RGMA: variants seen among roughly 807,000 people sequenced by gnomAD.
RGMA encodes repulsive guidance molecule A.
In RGMA, 10 loss-of-function variants were observed where a neutral mutation model predicts 23.2. The observed-to-expected ratio is 0.43, with a 90% CI of 0.27 to 0.73. The LOEUF is 0.73. RGMA is among the 30% of genes least tolerant of loss of function. The pLI is 0.20. For missense variants in RGMA, 547 were observed against 630.5 expected (o/e 0.87, Z 1.42); for synonymous variants, 308 against 279.3 (o/e 1.10, Z -1.03).
In RGMA at chr15:93,037,662, A is replaced by G. The variant is rs932459000; in HGVS notation, c.*7336T>C. The G allele has an allele frequency of 5.3e-5, 8 of 152,194 alleles. No homozygotes were observed. Among genetic ancestry groups the G allele is most frequent in the African/African-American group, 1.9e-4 (8 of 41,438 alleles). The allele number at this position is 152,194 out of a possible 1,614,324, so 9.4% of individuals were successfully genotyped here. A position where few individuals can be genotyped will look rare whatever the true frequency, so the allele number is the denominator to read the frequency against. On this transcript the variant is annotated 3_prime_UTR_variant, in exon 4 of 4. Transcript: ENST00000329082. This position sits in a 1 kb window ranked among gnomAD's most constrained non-coding sequence, Gnocchi z 4.3. ...GGAGCTCAGAGTGAGCTCAAAACCA[A>G]TTCCCCAGACAGTGTCTGAACACGT...
chr15:93,073,104 C>T (rs1895390988), intron 1 of RGMA, 73 bp from the exon 2 acceptor site: 18 of 1,393,596 alleles, frequency 1.3e-5, no homozygotes, highest in South Asian at 6.6e-5. Flanking sequence ...GCTCCGCCGG[C>T]GGGAGCAGCG....
intron 1 of RGMA, among the ~76,000 whole-genome samples, chr15:93,077,793 C>A (rs762310022): frequency 2.0e-5 from 3 of 152,200 alleles, no homozygotes; most frequent in Non-Finnish European, 4.4e-5. Context: ...CTGCAACCTC[C>A]GCCTCCTGGG....
intron 3 of RGMA, among the ~76,000 whole-genome samples, chr15:93,048,157 G>A (rs895597581): frequency 1.3e-5 from 2 of 152,168 alleles, no homozygotes; most frequent in African/African-American, 4.8e-5. Context: ...GCCACTAGAG[G>A]TGCCCCTGGC....
In RGMA at chr15:93,043,551, A is replaced by G. The variant is rs1270577174; in HGVS notation, c.*1447T>C. 1 of 152,566 alleles carries G rather than the reference A, an allele frequency of 6.6e-6. No homozygotes were observed. 9.5% of individuals were successfully genotyped at this position (152,566 alleles called of 1,614,324 possible). A position where few individuals can be genotyped will look rare whatever the true frequency, so the allele number is the denominator to read the frequency against. ...CCCCACTTCCAAGCAGAACGTGAGCAAACACAACCAAAATAAAGTGCTTCA... is the reference window on the plus strand; with the variant it reads ...CCCCACTTCCAAGCAGAACGTGAGCGAACACAACCAAAATAAAGTGCTTCA... On this transcript the variant is annotated 3_prime_UTR_variant, in exon 4 of 4. Coordinates refer to ENST00000329082, the MANE Select transcript of RGMA (RefSeq NM_020211.3).
At chr15:93,077,501 T>A (rs1288172151) in intron 1 of RGMA, among the ~76,000 whole-genome samples, 1 of 152,194 alleles carries the variant, frequency 6.6e-6, no homozygotes, top group Non-Finnish European at 1.5e-5. Context: ...GGGATTAAAG[T>A]CAAGCCAAGA....
intron 2 of RGMA, among the ~76,000 whole-genome samples, chr15:93,055,962 T>C (rs1219688810): frequency 1.3e-5 from 2 of 152,106 alleles, no homozygotes; most frequent in Non-Finnish European, 2.9e-5. Context: ...ATGACAGAAA[T>C]CCCACCCAGG....
intron 2 of RGMA, among the ~76,000 whole-genome samples, chr15:93,072,610 G>A (rs957996680): frequency 2.0e-5 from 3 of 152,138 alleles, no homozygotes; most frequent in African/African-American, 7.2e-5. Context: ...GAGCCCCTAG[G>A]AGGCACGTTC....
chr15:93,080,765 C>T (rs1371940466), intron 1 of RGMA, among the ~76,000 whole-genome samples: 2 of 151,944 alleles, frequency 1.3e-5, no homozygotes, highest in African/African-American at 4.9e-5. Context: ...TTCTTTCACA[C>T]CTGTCCTTCT....
chr15:93,051,799 G>A (rs1005360337), intron 3 of RGMA, among the ~76,000 whole-genome samples, 194 bp downstream of exon 3: 9 of 152,190 alleles, frequency 5.9e-5, no homozygotes, highest in African/African-American at 2.2e-4. Flanking sequence ...CTGCCAGGCC[G>A]GGCTGGCTCG....
chr15:93,052,671 G>A (rs1195263222), intron 2 of RGMA, among the ~76,000 whole-genome samples, 164 bp from the exon 3 acceptor site: 1 of 152,182 alleles, frequency 6.6e-6, no homozygotes, highest in Non-Finnish European at 1.5e-5. Flanking sequence ...GTAGGAAAGG[G>A]GTCCTTCTAC....
In RGMA at chr15:93,036,730, C is replaced by T. The variant is rs559894205; in HGVS notation, c.*8268G>A. 1 of 152,302 alleles carries T rather than the reference C, an allele frequency of 6.6e-6. No homozygotes were observed. The highest frequency in any genetic ancestry group is 2.4e-5 in the African/African-American group (1 of 41,442). The allele number at this position is 152,302 out of a possible 1,614,324, so 9.4% of individuals were successfully genotyped here. A position where few individuals can be genotyped will look rare whatever the true frequency, so the allele number is the denominator to read the frequency against. On this transcript the variant is annotated 3_prime_UTR_variant, in exon 4 of 4. Transcript: ENST00000329082. ...GCCTGTGCCCCCTGGAGCGCCCCGC[C>T]CCAGCTCGTTCTCTGCCCTCAAGCG...
chr15:93,053,566 G>A (rs1282508350), intron 2 of RGMA, among the ~76,000 whole-genome samples: 2 of 152,230 alleles, frequency 1.3e-5, no homozygotes, highest in Admixed American at 1.3e-4. Flanking sequence ...TCTGGTGCTG[G>A]TTTTACCTAT....
chr15:93,073,914 T>C, intron 1 of RGMA: 1 of 1,440,718 alleles, frequency 6.9e-7, no homozygotes, highest in Non-Finnish European at 9.1e-7. Flanking sequence ...CCGGTCCGCG[T>C]GGCGCGCAGG....
At position 93,038,650 on chromosome 15, in the gene RGMA, C is replaced by G. The variant is rs2054688195; in HGVS notation, c.*6348G>C. ...AGTGCAGTGGTGCGATCTCTGCTTGCTGCAAGTTCTGCCTCCCGGGTTCAC... is the reference window on the plus strand; with the variant it reads ...AGTGCAGTGGTGCGATCTCTGCTTGGTGCAAGTTCTGCCTCCCGGGTTCAC... On this transcript the variant is annotated 3_prime_UTR_variant, in exon 4 of 4. Coordinates refer to ENST00000329082, the MANE Select transcript of RGMA (RefSeq NM_020211.3). The G allele has an allele frequency of 1.4e-5, 2 of 147,466 alleles. No homozygotes were observed. The highest frequency in any genetic ancestry group is 5.0e-5 in the African/African-American group (2 of 39,910). 9.1% of individuals were successfully genotyped at this position (147,466 alleles called of 1,614,324 possible).
chr15:93,075,015 G>A (rs1196248484), intron 1 of RGMA, among the ~76,000 whole-genome samples: 2 of 152,102 alleles, frequency 1.3e-5, no homozygotes, highest in Non-Finnish European at 2.9e-5. Context: ...ATCCAGAGGA[G>A]GCCATGCAGC....
chr15:93,073,057 A>G (rs75748081), intron 1 of RGMA, 26 bp from the exon 2 acceptor site: 3 of 1,141,698 alleles, frequency 2.6e-6, no homozygotes, highest in Non-Finnish European at 3.4e-6. Flanking sequence ...AGAAAAAAAG[A>G]AGAAAATAAA....
chr15:93,047,110 G>GGGTTT (rs1442668882), intron 3 of RGMA, among the ~76,000 whole-genome samples: 6 of 152,210 alleles, frequency 3.9e-5, no homozygotes, highest in Non-Finnish European at 5.9e-5. Flanking sequence ...ATTAGACTCT[G>GGGTTT]CGTTTCCAGA....
chr15:93,045,054 G>C lies in RGMA; in HGVS notation c.1297C>G (p.Arg433Gly). The C allele has an allele frequency of 2.5e-6, 4 of 1,572,604 alleles. No homozygotes were observed. The highest frequency in any genetic ancestry group is 3.5e-6 in the Non-Finnish European group (4 of 1,158,294). Reference protein sequence around the residue: ...RAAAGLPLAPRPLLGALVPLL... With the variant: ...RAAAGLPLAPGPLLGALVPLL... ...GGGACGAGGGCGCCCAGGAGGGGCCGGGGGGCCAGGGGCAGCCCCGCAGCC... is the reference window on the plus strand; with the variant it reads ...GGGACGAGGGCGCCCAGGAGGGGCCCGGGGGCCAGGGGCAGCCCCGCAGCC... Residue 433 changes from arginine (R) to glycine (G), a missense_variant, in exon 4 of 4, where the codon CGG becomes GGG. Arg to Gly is a moderately radical substitution (Grantham distance 125, BLOSUM62 -2). Around this residue, in one of 3 missense-constraint regions of RGMA, gnomAD observed 205 missense variants for 204.1 expected, o/e 1.00. Transcript: ENST00000329082. The surrounding 1 kb of genome is among the most constrained non-coding windows in gnomAD (Gnocchi z 6.9).
Position 93,089,132 on chromosome 15 carries a change from G to C in RGMA, c.-200C>G. 1 of 337,622 alleles carries C rather than the reference G, an allele frequency of 3.0e-6. No homozygotes were observed. The highest frequency in any genetic ancestry group is 5.3e-6 in the Non-Finnish European group (1 of 187,826). 20.9% of individuals were successfully genotyped at this position (337,622 alleles called of 1,614,324 possible). ...TGCCTGCGAGCGCCTGGCGGAGCCGGCCCGGGAGCGAACGGCCAGTGCTTC... is the reference window on the plus strand; with the variant it reads ...TGCCTGCGAGCGCCTGGCGGAGCCGCCCCGGGAGCGAACGGCCAGTGCTTC... On this transcript the variant is annotated 5_prime_UTR_variant, in exon 1 of 4. Transcript: ENST00000329082.
Sources: allele counts gnomAD v4.1 joint callset (sites outside exome capture counted in the v4.1 genomes callset), GRCh38; gene constraint gnomAD v4.1.1; regional missense constraint gnomAD v4.1.1; non-coding constraint Gnocchi (gnomAD v3.1); transcripts MANE v1.5; gene names NCBI Gene and HGNC (gene_info 2026-07-23, HGNC 2026-07-21).